EPHA4: variants seen among roughly 807,000 people sequenced by gnomAD.
The protein encoded by EPHA4 is EPH receptor A4.
Under a neutral mutation model 108.3 loss-of-function variants are expected in EPHA4, and 19 were observed. That is an observed-to-expected ratio of 0.18 (90% confidence interval 0.12 to 0.26). The LOEUF (loss-of-function observed/expected upper bound fraction) is 0.26, where lower values mean the gene tolerates loss of function less well. EPHA4 is among the 10% of genes least tolerant of loss of function. EPHA4 has a pLI of 1.00. For synonymous variants in EPHA4, 449 were observed against 455.5 expected (o/e 0.99, Z 0.18); for missense variants, 917 against 1,254.0 (o/e 0.73, Z 4.06).
Position 221,525,925 on chromosome 2 carries a change from T to A in EPHA4, c.824-24753A>T, listed in dbSNP as rs1008316649. On this transcript the variant is annotated intron_variant, in intron 3 of 17. Transcript: ENST00000281821. The stretch of plus-strand genomic sequence containing the variant: ...TCTCTATTAGATACTGTGTTTCCCA[T>A]TTTATTTTCTAGATAAAAAAAATTG... 2.0e-5 allele frequency among the ~76,000 whole-genome samples: 3 copies of A among 152,240 alleles called. No homozygotes were observed. In the East Asian group the frequency reaches 5.8e-4, roughly 29 times the overall value.
At chr2:221,510,476 CCT>C (rs1160163636) in intron 3 of EPHA4, among the ~76,000 whole-genome samples, 1 of 152,112 alleles carries the variant, frequency 6.6e-6, no homozygotes, top group South Asian at 2.1e-4. Context: ...CCATTTTTCC[CCT>C]CTTACCTTGG....
chr2:221,547,174 A>G (rs1694022101), intron 3 of EPHA4, among the ~76,000 whole-genome samples: 1 of 152,244 alleles, frequency 6.6e-6, no homozygotes, highest in African/African-American at 2.4e-5. Flanking sequence ...TTGCTTTCCA[A>G]ATAGGTTGGT....
chr2:221,432,242 T>C (rs190128518), intron 14 of EPHA4, among the ~76,000 whole-genome samples: 117 of 152,198 alleles, frequency 7.7e-4, no homozygotes, highest in Non-Finnish European at 1.5e-3. Flanking sequence ...TACTCTGCTC[T>C]TACGAACATT....
At chr2:221,474,640 C>A (rs3770152) in intron 5 of EPHA4, among the ~76,000 whole-genome samples, 24,597 of 152,008 alleles carry the variant, frequency 0.16, 2,384 homozygotes, top group East Asian at 0.27. Context: ...ACTGAGGATG[C>A]GCAAACAACG....
At chr2:221,538,967 G>T (rs537956837) in intron 3 of EPHA4, among the ~76,000 whole-genome samples, 5 of 152,294 alleles carry the variant, frequency 3.3e-5, no homozygotes, top group South Asian at 4.2e-4. Context: ...ACTTAGCCTG[G>T]GAAGTGCATA....
At chr2:221,501,414 T>G in intron 3 of EPHA4, 1 of 388,334 alleles carries the variant, frequency 2.6e-6, no homozygotes, top group East Asian at 4.0e-5. Context: ...TTCTTAAACC[T>G]GGCAGAATCA....
intron 13 of EPHA4, among the ~76,000 whole-genome samples, chr2:221,434,901 A>T (rs938157351): frequency 9.8e-4 from 8 of 8,178 alleles, no homozygotes; most frequent in East Asian, 0.5. Flanking sequence ...TATTAAATTA[A>T]AAAAAAAAGA....
At chr2:221,466,448 ACT>A (rs573874503) in intron 5 of EPHA4, among the ~76,000 whole-genome samples, 27 of 152,126 alleles carry the variant, frequency 1.8e-4, no homozygotes, top group Non-Finnish European at 2.8e-4. Flanking sequence ...CATCCCTATA[ACT>A]CTCTGAAGTA....
Position 221,571,755 on chromosome 2 carries a change from A to G in EPHA4, c.91+403T>C, listed in dbSNP as rs1474970931. Among the ~76,000 whole-genome samples, 1 of 152,080 alleles carries G rather than the reference A, an allele frequency of 6.6e-6. No individual in the cohort carries two copies. Among genetic ancestry groups the G allele is most frequent in the Non-Finnish European group, 1.5e-5 (1 of 68,014 alleles). On this transcript the variant is annotated intron_variant, in intron 1 of 17. Transcript: ENST00000281821. This position sits in a 1 kb window ranked among gnomAD's most constrained non-coding sequence, Gnocchi z 6.3. ...GCTTTCGCTAGAATCCGGGAGCACC[A>G]AGCCTTCACTGTGCTCCAGGCTGCG...
intron 3 of EPHA4, among the ~76,000 whole-genome samples, chr2:221,546,410 C>A (rs1157422075): frequency 1.3e-5 from 2 of 152,132 alleles, no homozygotes; most frequent in Non-Finnish European, 2.9e-5. Flanking sequence ...GGAATTAAAG[C>A]ACCAGTCTTT....
chr2:221,530,403 G>A lies in EPHA4; in HGVS notation c.824-29231C>T, dbSNP rs76332763. ...GTTCGGCATTAACCATTATAGAGAT[G>A]GCAGTTACCATTCTCTAACATGAAA... On this transcript the variant is annotated intron_variant, in intron 3 of 17. Coordinates refer to ENST00000281821, the MANE Select transcript of EPHA4 (RefSeq NM_004438.5). 2.6e-3 allele frequency among the ~76,000 whole-genome samples: 401 copies of A among 152,288 alleles called. 1 individual carries two copies. The highest frequency in any genetic ancestry group is 8.4e-3 in the African/African-American group (351 of 41,550).
chr2:221,571,660 A>G lies in EPHA4; in HGVS notation c.91+498T>C, dbSNP rs957060503. On this transcript the variant is annotated intron_variant, in intron 1 of 17. Transcript: ENST00000281821. The surrounding 1 kb of genome is among the most constrained non-coding windows in gnomAD (Gnocchi z 6.3). ...CGGCGCCACGACCGCTGCGCTGCGG[A>G]GCAGGCCCCGCAGCCCGGTCCCGAG... is the stretch of plus-strand genomic sequence containing the variant. 6.6e-6 allele frequency among the ~76,000 whole-genome samples: 1 copy of G among 152,074 alleles called. No individual in the cohort carries two copies. Among genetic ancestry groups the G allele is most frequent in the South Asian group, 2.1e-4 (1 of 4,820 alleles).
chr2:221,550,844 GA>G (rs916861919), intron 3 of EPHA4, among the ~76,000 whole-genome samples: 2 of 150,644 alleles, frequency 1.3e-5, no homozygotes, highest in Non-Finnish European at 3.0e-5. Context: ...TTTATCACGA[GA>G]AAAAATCTAC....
In EPHA4 at chr2:221,443,604, C is replaced by T. The variant is rs375822609; in HGVS notation, c.1777G>A (p.Val593Ile). The T allele has an allele frequency of 3.7e-6, 6 of 1,609,736 alleles. 1 individual carries two copies. Among genetic ancestry groups the T allele is most frequent in the South Asian group, 2.2e-5 (2 of 90,814 alleles). ...GTAAAGGGGTCCACATATGTTCTTACACCTGAGTGATAAACATGATAAGTT... is the reference window on the plus strand; with the variant it reads ...GTAAAGGGGTCCACATATGTTCTTATACCTGAGTGATAAACATGATAAGTT... The part of the protein sequence containing the change: ...ADEEKHLNQG[V>I]RTYVDPFTYE... The change falls in exon 10 of 18, where the codon GTA becomes ATA. Residue 593 changes from valine (V) to isoleucine (I), a missense_variant and splice_region_variant. Physicochemically the swap from Val to Ile is conservative, Grantham distance 29. Coordinates refer to ENST00000281821, the MANE Select transcript of EPHA4 (RefSeq NM_004438.5).
In EPHA4 at chr2:221,509,189, G is replaced by T. The variant is rs966112685; in HGVS notation, c.824-8017C>A. Among the ~76,000 whole-genome samples, 7 of 152,126 alleles carry T rather than the reference G, an allele frequency of 4.6e-5. No homozygotes were observed. The South Asian group carries it at 8.3e-4, about 18-fold the overall frequency. ...ACTAAAAATACAAAATTAGCCAGGCGTGGTGGCCCCTGCCTGTAATCCCAG... is the reference window on the plus strand; with the variant it reads ...ACTAAAAATACAAAATTAGCCAGGCTTGGTGGCCCCTGCCTGTAATCCCAG... On this transcript the variant is annotated intron_variant, in intron 3 of 17. Transcript: ENST00000281821.
At chr2:221,498,322 T>C (rs548748645) in intron 4 of EPHA4, among the ~76,000 whole-genome samples, 14 of 152,316 alleles carry the variant, frequency 9.2e-5, no homozygotes, top group Non-Finnish European at 1.6e-4. Context: ...ATGATGCAAA[T>C]TGAGGGCCAT....
chr2:221,573,536 G>C (rs1008311645), upstream of EPHA4: 15 of 152,366 alleles, frequency 9.8e-5, no homozygotes, highest in African/African-American at 3.4e-4. The surrounding 1 kb of genome is among the most constrained non-coding windows in gnomAD (Gnocchi z 4.5). Context: ...TCCTAGCAAT[G>C]AGGCCTCCCT....
rs1022258076 is a variant in EPHA4, at chr2:221,436,674, T to G, written c.2137-66A>C. On this transcript the variant is annotated intron_variant, in intron 12 of 17. Transcript: ENST00000281821. ...GGCCAAGTTAATTCTCACCAAGCAT[T>G]TATTACTTGAATCTTTTTGGGTATC... 3 of 1,479,038 alleles carry G rather than the reference T, an allele frequency of 2.0e-6. No homozygotes were observed. The African/African-American group carries it at 4.2e-5, about 20-fold the overall frequency. The allele number at this position is 1,479,038 out of a possible 1,614,324, so 91.6% of individuals were successfully genotyped here. A position where few individuals can be genotyped will look rare whatever the true frequency, so the allele number is the denominator to read the frequency against.
intron 5 of EPHA4, among the ~76,000 whole-genome samples, chr2:221,482,003 C>T (rs1412397378): frequency 6.6e-6 from 1 of 152,200 alleles, no homozygotes; most frequent in Non-Finnish European, 1.5e-5. Flanking sequence ...CTGCTGGGCT[C>T]AAGCAATCCT....
Sources: gnomAD v4.1 joint callset for allele counts (sites outside exome capture counted in the v4.1 genomes callset) on GRCh38, gnomAD v4.1.1 for gene constraint, Gnocchi (gnomAD v3.1) non-coding constraint, MANE v1.5 for transcripts, NCBI Gene and HGNC (gene_info 2026-07-23, HGNC 2026-07-21) for gene names.